Variants in FOXR1 observed in about 807,000 individuals in gnomAD.
FOXR1 encodes forkhead box protein R1.
A neutral mutation model predicts 34.5 loss-of-function variants in FOXR1; 25 were observed. The ratio of observed to expected loss-of-function variants is 0.72; its 90% confidence interval spans 0.53 to 1.01. The LOEUF (loss-of-function observed/expected upper bound fraction) is 1.01. Ranked by LOEUF, FOXR1 falls within the 50% of genes least tolerant of loss-of-function variation. The pLI, the probability that FOXR1 is intolerant of heterozygous loss-of-function variation, is 0.00. For synonymous variants in FOXR1, 153 were observed against 141.6 expected, an observed-to-expected ratio of 1.08 and a Z score of -0.57; for missense variants, 373 against 376.2, an observed-to-expected ratio of 0.99 and a Z score of 0.07.
chr11:118,975,683 G>A (rs1029260731), intron 1 of FOXR1, among the ~76,000 whole-genome samples: 15 of 152,162 alleles, frequency 9.9e-5, no homozygotes, highest in African/African-American at 2.9e-4. Context: ...CAAAAAATTA[G>A]TGACACAGGA....
intron 4 of FOXR1, 147 bp from the exon 5 acceptor site, chr11:118,980,343 G>T (rs782226197): frequency 7.2e-5 from 65 of 902,176 alleles, no homozygotes; most frequent in Non-Finnish European, 1.1e-4. Flanking sequence ...CACGTGCTCA[G>T]TTAGCAAAGA....
chr11:118,974,705 G>A (rs1475807968), intron 1 of FOXR1, among the ~76,000 whole-genome samples: 1 of 152,188 alleles, frequency 6.6e-6, no homozygotes, highest in African/African-American at 2.4e-5. Flanking sequence ...TGGATGTACA[G>A]AGTCTAGGAG....
At chr11:118,980,284 C>A (rs1565647516) in intron 4 of FOXR1, 1 of 700,228 alleles carries the variant, frequency 1.4e-6, no homozygotes, top group South Asian at 1.5e-5. Context: ...CCTGGGCCCT[C>A]AGAGGGAGGG....
chr11:118,978,840 C>G lies in FOXR1; in HGVS notation c.120C>G (p.Pro40=). 6.2e-7 allele frequency: 1 copy of G among 1,614,178 alleles called. No homozygotes were observed. The highest frequency in any genetic ancestry group is 8.5e-7 in the Non-Finnish European group (1 of 1,180,036). Residue 40 remains proline, a synonymous_variant, in exon 2 of 6, where the codon CCC becomes CCG. Coordinates refer to ENST00000317011, the MANE Select transcript of FOXR1 (RefSeq NM_181721.3). ...KPPKLPLEKK[P]NPDKDGPDYE... ...CAAAATTACCCCTAGAGAAAAAACCCAACCCTGATAAGGATGGTACGTATT... is the reference window on the plus strand; with the variant it reads ...CAAAATTACCCCTAGAGAAAAAACCGAACCCTGATAAGGATGGTACGTATT...
At chr11:118,980,763 A>G in intron 5 of FOXR1, 35 bp downstream of exon 5, 2 of 1,585,062 alleles carry the variant, frequency 1.3e-6, no homozygotes, top group Non-Finnish European at 1.7e-6. Flanking sequence ...CCCAAGGGGA[A>G]GAGACCTGAG....
intron 1 of FOXR1, among the ~76,000 whole-genome samples, chr11:118,972,464 A>G (rs1423432451): frequency 6.6e-6 from 1 of 152,064 alleles, no homozygotes; most frequent in African/African-American, 2.4e-5. Flanking sequence ...CCTGACACCT[A>G]CAAGTGCTCC....
Position 118,978,968 on chromosome 11 carries a change from G to A in FOXR1, c.148G>A (p.Glu50Lys), listed in dbSNP as rs1941812656. Residue 50 changes from glutamate to lysine, a missense_variant, in exon 3 of 6, where the codon GAG becomes AAG. Glu to Lys is a moderately conservative substitution (Grantham distance 56). Coordinates refer to ENST00000317011, the MANE Select transcript of FOXR1 (RefSeq NM_181721.3). ...PNPDKDGPDYEPNLWMWVNPN... is the reference protein window; with the variant it reads ...PNPDKDGPDYKPNLWMWVNPN... ...TTTGTTCTGCACAGGTCCAGATTAT[G>A]AGCCCAACCTCTGGATGTGGGTAAA... 1 of 1,606,514 alleles carries A rather than the reference G, an allele frequency of 6.2e-7. No homozygotes were observed. Among genetic ancestry groups the A allele is most frequent in the South Asian group, 1.1e-5 (1 of 90,688 alleles).
intron 4 of FOXR1, chr11:118,980,247 C>G (rs1203572769): frequency 8.9e-6 from 6 of 673,510 alleles, no homozygotes; most frequent in African/African-American, 1.8e-5. Flanking sequence ...TGGCCTGATT[C>G]TGCTTTGTTC....
intron 1 of FOXR1, among the ~76,000 whole-genome samples, 194 bp from the exon 2 acceptor site, chr11:118,978,588 T>C (rs995816292): frequency 6.6e-6 from 1 of 151,290 alleles, no homozygotes; most frequent in African/African-American, 2.4e-5. Context: ...ATACGTAGAG[T>C]GAGAAGAAAA....
At chr11:118,978,884 C>G in intron 2 of FOXR1, 28 bp downstream of exon 2, 1 of 1,614,220 alleles carries the variant, frequency 6.2e-7, no homozygotes, top group Non-Finnish European at 8.5e-7. Flanking sequence ...TGACCTGTTT[C>G]TGTGGCCTGG....
Position 118,981,217 on chromosome 11 carries a change from C to A in FOXR1, c.860C>A (p.Pro287His). Residue 287 changes from proline (P) to histidine (H), a missense_variant, in exon 6 of 6, where the codon CCC becomes CAC. Physicochemically the swap from Pro to His is moderately conservative, Grantham distance 77 (BLOSUM62 -2). Coordinates refer to ENST00000317011, the MANE Select transcript of FOXR1 (RefSeq NM_181721.3). ...QQCMSQPDVM[P>H]FLFDL ...TCTCCTTTTCTTACAGATGTGATGC[C>A]CTTCCTCTTTGATCTTTAACCCCAA... is the stretch of plus-strand genomic sequence containing the variant. 6.2e-7 allele frequency: 1 copy of A among 1,614,058 alleles called. No individual in the cohort carries two copies. Among genetic ancestry groups the A allele is most frequent in the Non-Finnish European group, 8.5e-7 (1 of 1,180,008 alleles).
chr11:118,980,538 T>A lies in FOXR1; in HGVS notation c.660T>A (p.Thr220=), dbSNP rs544283575. The A allele has an allele frequency of 1.9e-6, 3 of 1,614,264 alleles. No individual in the cohort carries two copies. The highest frequency in any genetic ancestry group is 2.5e-6 in the Non-Finnish European group (3 of 1,180,048). ...FRTAPEGWKN[T]VRHNLCFRDS... ...CGGCCCCGGAAGGCTGGAAGAATAC[T>A]GTCCGTCACAATCTCTGTTTTCGAG... is the stretch of plus-strand genomic sequence containing the variant. The change falls in exon 5 of 6, where the codon ACT becomes ACA. Residue 220 remains threonine (T), a synonymous_variant. Coordinates refer to ENST00000317011, the MANE Select transcript of FOXR1 (RefSeq NM_181721.3).
At chr11:118,978,696 C>T in intron 1 of FOXR1, 86 bp from the exon 2 acceptor site, 3 of 1,427,230 alleles carry the variant, frequency 2.1e-6, no homozygotes, top group East Asian at 4.6e-5. Context: ...CAACCTTCTC[C>T]CAGAGAAGCC....
At chr11:118,979,347 CA>C in intron 3 of FOXR1, 94 bp from the exon 4 acceptor site, 8 of 1,489,240 alleles carry the variant, frequency 5.4e-6, no homozygotes, top group Admixed American at 2.4e-5. Flanking sequence ...GGGAGAAGCC[CA>C]AATGGTGGCC....
At chr11:118,972,779 C>T (rs779659915) in intron 1 of FOXR1, among the ~76,000 whole-genome samples, 1 of 152,048 alleles carries the variant, frequency 6.6e-6, no homozygotes, top group Non-Finnish European at 1.5e-5. Flanking sequence ...TGCGCCACCA[C>T]GCCCTGTTAA....
At position 118,980,682 on chromosome 11, in the gene FOXR1, G is replaced by A. The variant is rs781833953; in HGVS notation, c.804G>A (p.Leu268=). The A allele has an allele frequency of 6.2e-7, 1 of 1,614,020 alleles. No individual in the cohort carries two copies. The highest frequency in any genetic ancestry group is 8.5e-7 in the Non-Finnish European group (1 of 1,180,046). ...HRRFAEEARA[L]ASTRLESIQQ... is the part of the protein sequence containing the mutation. ...GCTTTGCGGAGGAGGCCCGCGCCTT[G>A]GCTTCCACTCGGCTAGAAAGTATCC... is the stretch of plus-strand genomic sequence containing the variant. Residue 268 remains leucine (L), a synonymous_variant, in exon 5 of 6, where the codon TTG becomes TTA. Coordinates refer to ENST00000317011, the MANE Select transcript of FOXR1 (RefSeq NM_181721.3).
At position 118,971,926 on chromosome 11, in the gene FOXR1, T is replaced by G; in HGVS notation, c.-6T>G. On this transcript the variant is annotated 5_prime_UTR_variant, in exon 1 of 6. Transcript: ENST00000317011. ...TGGCCAGGTCCCGGGACTGCTGGAC[T>G]GGGACATGGGGAACGAGCTCTTTCT... is the stretch of plus-strand genomic sequence containing the variant. 6.4e-7 allele frequency: 1 copy of G among 1,556,030 alleles called. No individual in the cohort carries two copies. Among genetic ancestry groups the G allele is most frequent in the South Asian group, 1.2e-5 (1 of 84,322 alleles).
At chr11:118,977,094 G>A (rs185496809) in intron 1 of FOXR1, among the ~76,000 whole-genome samples, 175 of 152,164 alleles carry the variant, frequency 1.2e-3, no homozygotes, top group Middle Eastern at 0.01. Flanking sequence ...GTAGTGGCAC[G>A]ATCTCAGCTC....
In FOXR1 at chr11:118,980,709, A is replaced by G. The variant is rs1941849778; in HGVS notation, c.831A>G (p.Gln277=). 2 of 1,613,030 alleles carry G rather than the reference A, an allele frequency of 1.2e-6. No homozygotes were observed. The highest frequency in any genetic ancestry group is 1.7e-5 in the Admixed American group (1 of 59,998). The stretch of plus-strand genomic sequence containing the variant: ...CTTCCACTCGGCTAGAAAGTATCCA[A>G]CAGTGCATGAGCCAGCCAGGTGTGA... ...ALASTRLESI[Q]QCMSQPDVMP... is the part of the protein sequence containing the mutation. The change falls in exon 5 of 6, where the codon CAA becomes CAG. Residue 277 remains glutamine (Q), a synonymous_variant. Transcript: ENST00000317011.
Sources: gnomAD v4.1 joint callset for allele counts (sites outside exome capture counted in the v4.1 genomes callset) on GRCh38, gnomAD v4.1.1 for gene constraint, MANE v1.5 for transcripts, NCBI Gene and HGNC (gene_info 2026-07-23, HGNC 2026-07-21) for gene names.